Variants in POU2AF2 observed in about 807,000 individuals in gnomAD.
POU2AF2 encodes the protein POU class 2 homeobox associating factor 2.
At chr11:111,276,269 G>A in the POU2AF2 span, among the ~76,000 whole-genome samples, 2 of 151,190 alleles carry the variant, frequency 1.3e-5, no homozygotes, top group African/African-American at 2.4e-5. Flanking sequence ...TCAGAAATAA[G>A]GAAAAGATTG....
the POU2AF2 span, among the ~76,000 whole-genome samples, chr11:111,255,329 A>T: frequency 1.3e-5 from 2 of 152,246 alleles, no homozygotes; most frequent in African/African-American, 4.8e-5. Flanking sequence ...GCCAAGCACT[A>T]CAACATCTTC....
the POU2AF2 span, chr11:111,286,041 G>A: frequency 1.5e-5 from 24 of 1,611,412 alleles, no homozygotes; most frequent in South Asian, 1.8e-4. Flanking sequence ...TATGAATGCC[G>A]CAGAGCTTAT....
the POU2AF2 span, among the ~76,000 whole-genome samples, chr11:111,264,491 CG>C: frequency 2.3e-5 from 2 of 86,010 alleles, no homozygotes; most frequent in African/African-American, 9.2e-5. Context: ...GCAAGACTCA[CG>C]AAAGAAAGAA....
chr11:111,285,164 G>A, the POU2AF2 span, among the ~76,000 whole-genome samples: 1 of 152,090 alleles, frequency 6.6e-6, no homozygotes, highest in East Asian at 1.9e-4. Context: ...CCAAACTTAC[G>A]GGATTCCTAC....
At chr11:111,269,214 A>AC in the POU2AF2 span, among the ~76,000 whole-genome samples, 106,513 of 151,474 alleles carry the variant, frequency 0.7, 37,569 homozygotes, top group Middle Eastern at 0.82. Flanking sequence ...AGAAAAAAAA[A>AC]ATCTTCCGAG....
At chr11:111,252,970 A>G in the POU2AF2 span, among the ~76,000 whole-genome samples, 35,151 of 152,068 alleles carry the variant, frequency 0.23, 4,451 homozygotes, top group East Asian at 0.41. Context: ...CTCAATGCCA[A>G]CCACTGAATT....
chr11:111,279,886 C>T, the POU2AF2 span, among the ~76,000 whole-genome samples: 8 of 151,090 alleles, frequency 5.3e-5, no homozygotes, highest in Admixed American at 5.3e-4. Context: ...ACTAAAAATG[C>T]AAAAAGTAGC....
the POU2AF2 span, among the ~76,000 whole-genome samples, chr11:111,247,490 T>A: frequency 1.3e-5 from 2 of 152,148 alleles, no homozygotes; most frequent in African/African-American, 4.8e-5. Context: ...ATTTCAAGTT[T>A]AAGATTTCAT....
chr11:111,274,413 G>C, the POU2AF2 span, among the ~76,000 whole-genome samples: 1 of 152,106 alleles, frequency 6.6e-6, no homozygotes, highest in African/African-American at 2.4e-5. Context: ...TAGGTCACAA[G>C]TGTTCATCAA....
the POU2AF2 span, among the ~76,000 whole-genome samples, chr11:111,263,654 G>T: frequency 6.6e-6 from 1 of 151,870 alleles, no homozygotes; most frequent in Non-Finnish European, 1.5e-5. Flanking sequence ...GCTGGTCTCG[G>T]ACTCCTGACC....
the POU2AF2 span, among the ~76,000 whole-genome samples, chr11:111,277,971 C>T: frequency 6.6e-6 from 1 of 152,244 alleles, no homozygotes; most frequent in Non-Finnish European, 1.5e-5. Flanking sequence ...GATTTAATCA[C>T]TGCCCCTTTC....
chr11:111,280,057 A>AAATTTATATATATATAT, the POU2AF2 span, among the ~76,000 whole-genome samples: 1 of 76,500 alleles, frequency 1.3e-5, no homozygotes, highest in African/African-American at 5.0e-5. Flanking sequence ...AAAAAAAAAA[A>AAATTTATATATATATAT]ATATATATAT....
the POU2AF2 span, among the ~76,000 whole-genome samples, chr11:111,280,573 TA>T: frequency 1.3e-5 from 2 of 152,204 alleles, no homozygotes; most frequent in African/African-American, 2.4e-5. Flanking sequence ...CCACACTGTC[TA>T]CACCACCTGC....
At chr11:111,284,312 A>C in the POU2AF2 span, 15 of 1,611,768 alleles carry the variant, frequency 9.3e-6, no homozygotes, top group Non-Finnish European at 1.1e-5. Flanking sequence ...CTCTCTGTTC[A>C]GCGCCTCGCC....
chr11:111,254,824 C>T, the POU2AF2 span, among the ~76,000 whole-genome samples: 4 of 152,302 alleles, frequency 2.6e-5, no homozygotes, highest in East Asian at 5.8e-4. Context: ...CACACTGATG[C>T]TGAATTCTGT....
At chr11:111,276,063 A>G in the POU2AF2 span, among the ~76,000 whole-genome samples, 3 of 152,232 alleles carry the variant, frequency 2.0e-5, no homozygotes, top group South Asian at 6.2e-4. Flanking sequence ...CCAGGAGGAG[A>G]GAACAGTCAT....
At chr11:111,268,732 G>C in the POU2AF2 span, among the ~76,000 whole-genome samples, 3 of 151,448 alleles carry the variant, frequency 2.0e-5, no homozygotes, top group East Asian at 1.9e-4. Flanking sequence ...ATTTTTAGTA[G>C]AGACGGGGTT....
At chr11:111,265,758 G>T in the POU2AF2 span, among the ~76,000 whole-genome samples, 6 of 152,120 alleles carry the variant, frequency 3.9e-5, no homozygotes, top group South Asian at 6.2e-4. Context: ...AGCCTTGAAA[G>T]TTAGATCCTC....
the POU2AF2 span, among the ~76,000 whole-genome samples, chr11:111,264,562 AAGAAAGAAAGAAAGGG>A: frequency 5.6e-4 from 27 of 48,212 alleles, 2 homozygotes; most frequent in African/African-American, 1.8e-3. Context: ...GAAAGAAAGA[AAGAAAGAAAGAAAGGG>A]AGAGAGAAAG....
Sources: gnomAD v4.1 joint callset for allele counts (sites outside exome capture counted in the v4.1 genomes callset) on GRCh38, gnomAD v4.1.1 for gene constraint, MANE v1.5 for transcripts, NCBI Gene and HGNC (gene_info 2026-07-23, HGNC 2026-07-21) for gene names.